Variants in IMMP2L observed in about 807,000 individuals in gnomAD.
IMMP2L encodes inner mitochondrial membrane peptidase subunit 2, also known as mitochondrial inner membrane protease subunit 2.
A neutral mutation model predicts 19.3 loss-of-function variants in IMMP2L; 18 were observed. The ratio of observed to expected loss-of-function variants is 0.93; its 90% CI spans 0.64 to 1.38. The LOEUF is 1.38. IMMP2L is among the 40% of genes most tolerant of loss of function. The pLI, the probability that IMMP2L is intolerant of heterozygous loss-of-function variation, is 0.00. For synonymous variants in IMMP2L, 76 were observed against 73.0 expected, an observed-to-expected ratio of 1.04 and a Z score of -0.21; for missense variants, 233 against 218.2, an observed-to-expected ratio of 1.07 and a Z score of -0.43.
chr7:111,005,818 CT>C (rs1824226186), intron 3 of IMMP2L, among the ~76,000 whole-genome samples: 1 of 152,146 alleles, frequency 6.6e-6, no homozygotes, highest in South Asian at 2.1e-4. Context: ...CTAAATGGGT[CT>C]TCAATTCAGA....
intron 1 of IMMP2L, among the ~76,000 whole-genome samples, chr7:111,527,227 T>G (rs1846955348): frequency 6.6e-6 from 1 of 152,094 alleles, no homozygotes; most frequent in Non-Finnish European, 1.5e-5. Flanking sequence ...GAGGCCAGCC[T>G]GAGCAACACA....
Position 111,127,939 on chromosome 7 carries a change from G to A in IMMP2L, c.240-164374C>T, listed in dbSNP as rs541335853. Among the ~76,000 whole-genome samples, 168 of 152,124 alleles carry A rather than the reference G, an allele frequency of 1.1e-3. 1 individual carries two copies. Among genetic ancestry groups the A allele is most frequent in the Non-Finnish European group, 4.0e-4 (27 of 67,962 alleles). On this transcript the variant is annotated intron_variant, in intron 3 of 5. Transcript: ENST00000405709. ...ATAAAAACAGTGCAAAACAAAATAT[G>A]TATTTTATAATGTATATAATTGTCA...
At chr7:110,721,892 A>G (rs1195282579) in intron 5 of IMMP2L, among the ~76,000 whole-genome samples, 2 of 152,112 alleles carry the variant, frequency 1.3e-5, no homozygotes, top group African/African-American at 4.8e-5. Flanking sequence ...GAGAAGAAAG[A>G]GAGAGAAAGA....
At chr7:111,538,641 A>C (rs1330317748) in intron 1 of IMMP2L, among the ~76,000 whole-genome samples, 6 of 149,752 alleles carry the variant, frequency 4.0e-5, no homozygotes, top group African/African-American at 1.5e-4. Flanking sequence ...TCTAAAAAAA[A>C]AAAAAAAAAA....
chr7:111,489,700 G>T (rs1403623311), intron 2 of IMMP2L, among the ~76,000 whole-genome samples: 1 of 152,118 alleles, frequency 6.6e-6, no homozygotes, highest in Non-Finnish European at 1.5e-5. Context: ...GGGTTTTGCA[G>T]CTGAAAAATA....
intron 3 of IMMP2L, among the ~76,000 whole-genome samples, chr7:111,030,356 CTT>C (rs1827284766): frequency 6.6e-6 from 1 of 152,050 alleles, no homozygotes; most frequent in Non-Finnish European, 1.5e-5. Context: ...TGAACAAACT[CTT>C]CTTTCCTTAT....
chr7:111,195,389 C>T (rs1344419235), intron 3 of IMMP2L, among the ~76,000 whole-genome samples: 1 of 151,850 alleles, frequency 6.6e-6, no homozygotes, highest in Non-Finnish European at 1.5e-5. Context: ...TTATCAGCTG[C>T]TTCTAAAGAC....
chr7:111,078,225 T>C (rs1396910858), intron 3 of IMMP2L, among the ~76,000 whole-genome samples: 1 of 152,190 alleles, frequency 6.6e-6, no homozygotes, highest in Non-Finnish European at 1.5e-5. Flanking sequence ...TGTTCAAATA[T>C]ATTTCCTGAA....
chr7:111,463,497 CA>C (rs1308783976), intron 3 of IMMP2L, among the ~76,000 whole-genome samples: 4 of 152,100 alleles, frequency 2.6e-5, no homozygotes, highest in Non-Finnish European at 5.9e-5. Context: ...GATCACAAGA[CA>C]ACAGAAGAGA....
At chr7:111,205,896 T>C (rs925479907) in intron 3 of IMMP2L, among the ~76,000 whole-genome samples, 2 of 152,162 alleles carry the variant, frequency 1.3e-5, no homozygotes, top group Non-Finnish European at 2.9e-5. Flanking sequence ...CCTGCTTGCA[T>C]TAAGTGCCAA....
At chr7:110,851,065 G>A (rs1806171530) in intron 5 of IMMP2L, among the ~76,000 whole-genome samples, 1 of 152,096 alleles carries the variant, frequency 6.6e-6, no homozygotes, top group East Asian at 1.9e-4. Context: ...TTAGGACGTT[G>A]ATTAAGTCTA....
At chr7:110,978,975 A>G (rs1439681042) in intron 3 of IMMP2L, among the ~76,000 whole-genome samples, 1 of 152,026 alleles carries the variant, frequency 6.6e-6, no homozygotes, top group Non-Finnish European at 1.5e-5. Context: ...AGTAATTCTT[A>G]TTAGAAATTT....
At chr7:111,453,003 A>G (rs556661579) in intron 3 of IMMP2L, among the ~76,000 whole-genome samples, 1 of 152,290 alleles carries the variant, frequency 6.6e-6, no homozygotes, top group East Asian at 1.9e-4. Flanking sequence ...GCTCTACTGA[A>G]TAAATAAACT....
chr7:110,910,776 G>T (rs1396684298), intron 4 of IMMP2L, among the ~76,000 whole-genome samples: 1 of 152,130 alleles, frequency 6.6e-6, no homozygotes, highest in African/African-American at 2.4e-5. Flanking sequence ...TCATATGTGA[G>T]ACCTGATAAT....
chr7:111,151,156 C>T (rs1804027988), intron 3 of IMMP2L, among the ~76,000 whole-genome samples: 1 of 152,086 alleles, frequency 6.6e-6, no homozygotes, highest in Non-Finnish European at 1.5e-5. Flanking sequence ...TGCCAGTGTA[C>T]CTGAGCATAA....
chr7:110,969,087 TA>T (rs1322973402), intron 3 of IMMP2L, among the ~76,000 whole-genome samples: 3 of 152,072 alleles, frequency 2.0e-5, no homozygotes, highest in African/African-American at 7.2e-5. Context: ...ACAGCAAAAC[TA>T]AATATAACTG....
intron 3 of IMMP2L, among the ~76,000 whole-genome samples, chr7:111,291,701 A>G (rs2129689803): frequency 6.6e-6 from 1 of 152,262 alleles, no homozygotes; most frequent in Non-Finnish European, 1.5e-5. Flanking sequence ...GGTGACTATA[A>G]TAAATAATAA....
intron 3 of IMMP2L, among the ~76,000 whole-genome samples, chr7:111,304,156 T>A (rs1822573671): frequency 6.6e-6 from 1 of 152,110 alleles, no homozygotes; most frequent in Non-Finnish European, 1.5e-5. Flanking sequence ...TGGTCAAAGC[T>A]TGTGTGAATT....
At chr7:110,941,961 T>C (rs115346282) in intron 4 of IMMP2L, among the ~76,000 whole-genome samples, 23 of 151,372 alleles carry the variant, frequency 1.5e-4, no homozygotes, top group African/African-American at 5.3e-4. Flanking sequence ...TAAAAAGAAA[T>C]CATACCCTAG....
Sources: gnomAD v4.1 joint callset for allele counts (sites outside exome capture counted in the v4.1 genomes callset) on GRCh38, gnomAD v4.1.1 for gene constraint, MANE v1.5 for transcripts, NCBI Gene and HGNC (gene_info 2026-07-23, HGNC 2026-07-21) for gene names.